The following CNOT2 variants were observed in gnomAD, a reference collection of about 807,000 sequenced individuals.
CNOT2 encodes CCR4-NOT transcription complex subunit 2.
In CNOT2, 7 loss-of-function variants were observed where a neutral mutation model predicts 72.1. That is an observed-to-expected ratio of 0.10 (90% confidence interval 0.06 to 0.18). The LOEUF (loss-of-function observed/expected upper bound fraction) is 0.18. Ranked by LOEUF, CNOT2 falls within the 10% of genes least tolerant of loss-of-function variation. CNOT2 has a pLI of 1.00. For synonymous variants in CNOT2, 196 were observed against 225.6 expected (o/e 0.87, Z 1.17); for missense variants, 345 against 660.3 (o/e 0.52, Z 5.23).
At position 70,335,346 on chromosome 12, in the gene CNOT2, G is replaced by A. The variant is rs528556957; in HGVS notation, c.650-92G>A. 43 of 907,606 alleles carry A rather than the reference G, an allele frequency of 4.7e-5. No homozygotes were observed. In the African/African-American group the frequency reaches 5.5e-4, roughly 12 times the overall value. 56.2% of individuals were successfully genotyped at this position (907,606 alleles called of 1,614,324 possible). On this transcript the variant is annotated intron_variant, in intron 7 of 15. Coordinates refer to ENST00000229195, the MANE Select transcript of CNOT2 (RefSeq NM_014515.7). ...GCCGTGCATTATTTAGGAAGAAGGC[G>A]CAATCATTTCGAATTATATTATGGT...
At chr12:70,289,938 A>G (rs1871590134) in intron 2 of CNOT2, among the ~76,000 whole-genome samples, 1 of 151,812 alleles carries the variant, frequency 6.6e-6, no homozygotes, top group African/African-American at 2.4e-5. Context: ...AGTGCTATAT[A>G]ATGTTTGTAT....
intron 2 of CNOT2, among the ~76,000 whole-genome samples, chr12:70,304,828 C>T (rs1057253975): frequency 2.6e-5 from 4 of 152,328 alleles, no homozygotes; most frequent in East Asian, 3.9e-4. Context: ...CCACCCAGTT[C>T]GAGCTTCCTG....
chr12:70,256,420 T>C (rs1413399357), intron 1 of CNOT2, among the ~76,000 whole-genome samples: 2 of 152,078 alleles, frequency 1.3e-5, no homozygotes, highest in Admixed American at 6.5e-5. Context: ...TCTTTTGTAA[T>C]AGAAAGTTTC....
intron 1 of CNOT2, among the ~76,000 whole-genome samples, chr12:70,254,896 G>A (rs12816117): frequency 6.6e-6 from 1 of 150,770 alleles, no homozygotes; most frequent in East Asian, 1.9e-4. Context: ...CAGGAGAATC[G>A]CTTGAACCTG....
intron 2 of CNOT2, among the ~76,000 whole-genome samples, chr12:70,305,983 T>A (rs966703796): frequency 6.8e-6 from 1 of 146,400 alleles, no homozygotes; most frequent in African/African-American, 2.5e-5. Flanking sequence ...TAGGAATTCA[T>A]AGCTAGTCTA....
At chr12:70,263,240 T>C (rs1958862730) in intron 1 of CNOT2, among the ~76,000 whole-genome samples, 1 of 151,832 alleles carries the variant, frequency 6.6e-6, no homozygotes, top group Non-Finnish European at 1.5e-5. Flanking sequence ...AGATTAGTGT[T>C]TTTCTTCAAT....
intron 1 of CNOT2, among the ~76,000 whole-genome samples, chr12:70,244,521 T>C (rs1957780453): frequency 6.6e-6 from 1 of 152,214 alleles, no homozygotes; most frequent in African/African-American, 2.4e-5. Context: ...ATTCCAGGCC[T>C]GTAGGTACGG....
chr12:70,300,295 A>C (rs1421644493), intron 2 of CNOT2, among the ~76,000 whole-genome samples: 2 of 152,188 alleles, frequency 1.3e-5, no homozygotes, highest in Non-Finnish European at 2.9e-5. Flanking sequence ...GTCCTTGCCC[A>C]TGCCTATGTC....
At chr12:70,341,869 T>C in intron 11 of CNOT2, 1 of 520,704 alleles carries the variant, frequency 1.9e-6, no homozygotes, top group Non-Finnish European at 3.4e-6. Context: ...TATTGTGATA[T>C]GTTGTGTTAT....
intron 3 of CNOT2, among the ~76,000 whole-genome samples, chr12:70,315,210 C>T (rs775538542): frequency 2.0e-5 from 3 of 151,752 alleles, no homozygotes; most frequent in African/African-American, 2.4e-5. Flanking sequence ...TTTTTTTGTG[C>T]CTGTTTGCTA....
At chr12:70,344,476 C>G in intron 14 of CNOT2, 1 of 394,442 alleles carries the variant, frequency 2.5e-6, no homozygotes, top group South Asian at 3.6e-5. Flanking sequence ...ACTTGTAATC[C>G]CAGCACTTTG....
chr12:70,299,685 A>C (rs375396989), intron 2 of CNOT2, among the ~76,000 whole-genome samples: 4 of 152,054 alleles, frequency 2.6e-5, no homozygotes, highest in Non-Finnish European at 5.9e-5. Context: ...AGTAAACATA[A>C]GTGTGCATGT....
At chr12:70,316,712 T>G (rs1877398859) in intron 3 of CNOT2, among the ~76,000 whole-genome samples, 1 of 152,178 alleles carries the variant, frequency 6.6e-6, no homozygotes, top group Admixed American at 6.6e-5. Context: ...TATTACACAC[T>G]GTGGTAAGTG....
At chr12:70,328,380 A>G (rs1879410438) in intron 4 of CNOT2, among the ~76,000 whole-genome samples, 1 of 151,906 alleles carries the variant, frequency 6.6e-6, no homozygotes, top group Admixed American at 6.6e-5. Flanking sequence ...CTATCTTATC[A>G]CTTTTATTTA....
intron 3 of CNOT2, among the ~76,000 whole-genome samples, chr12:70,317,549 G>A (rs1353162654): frequency 2.7e-5 from 4 of 148,694 alleles, no homozygotes; most frequent in Non-Finnish European, 3.0e-5. Context: ...GATAAAGGAT[G>A]TTAGTTTAAT....
At chr12:70,260,965 A>G (rs1223448542) in intron 1 of CNOT2, among the ~76,000 whole-genome samples, 1 of 152,004 alleles carries the variant, frequency 6.6e-6, no homozygotes, top group Non-Finnish European at 1.5e-5. Flanking sequence ...CATATAAGGA[A>G]AGCATTCAGA....
Position 70,340,988 on chromosome 12 carries a change from C to G in CNOT2, c.1179-1119C>G, listed in dbSNP as rs538714518. On this transcript the variant is annotated intron_variant, in intron 11 of 15. Coordinates refer to ENST00000229195, the MANE Select transcript of CNOT2 (RefSeq NM_014515.7). ...TCGGGTCATTACAACCTCCACCTCC[C>G]AGGTCCAAGCGATTCTCCTGAGTAG... 4.0e-5 allele frequency among the ~76,000 whole-genome samples: 6 copies of G among 150,330 alleles called. No homozygotes were observed. The East Asian group carries it at 9.9e-4, about 25-fold the overall frequency.
At chr12:70,339,751 T>C (rs1881243331) in intron 11 of CNOT2, among the ~76,000 whole-genome samples, 1 of 152,104 alleles carries the variant, frequency 6.6e-6, no homozygotes, top group African/African-American at 2.4e-5. Context: ...ATACCTTTTC[T>C]CCTTATTCTT....
intron 15 of CNOT2, 124 bp downstream of exon 15, chr12:70,346,448 T>C (rs777071616): frequency 2.4e-5 from 17 of 700,346 alleles, no homozygotes; most frequent in Non-Finnish European, 4.0e-5. Context: ...GCCAACTGTT[T>C]AATTCCATCT....
Sources: allele counts gnomAD v4.1 joint callset (sites outside exome capture counted in the v4.1 genomes callset), GRCh38; gene constraint gnomAD v4.1.1; transcripts MANE v1.5; gene names NCBI Gene and HGNC (gene_info 2026-07-23, HGNC 2026-07-21).